The following TMOD2 variants were observed in gnomAD, a reference collection of about 807,000 sequenced individuals.
TMOD2 encodes the protein tropomodulin 2.
A neutral mutation model predicts 39.9 loss-of-function variants in TMOD2; 22 were observed. The observed-to-expected ratio is 0.55, with a 90% CI of 0.39 to 0.79. TMOD2 has a LOEUF of 0.79. TMOD2 is among the 30% of genes least tolerant of loss of function. TMOD2 has a pLI of 0.00. For synonymous variants in TMOD2, 123 were observed against 146.1 expected, an observed-to-expected ratio of 0.84 and a Z score of 1.14; for missense variants, 386 against 413.3, an observed-to-expected ratio of 0.93 and a Z score of 0.57.
At position 51,773,781 on chromosome 15, in the gene TMOD2, A is replaced by G; in HGVS notation, c.353A>G (p.Glu118Gly). 1 of 1,613,744 alleles carries G rather than the reference A, an allele frequency of 6.2e-7. No homozygotes were observed. Among genetic ancestry groups the G allele is most frequent in the South Asian group, 1.1e-5 (1 of 91,042 alleles). ...GAAGAAAAAGTGACCCTTGACCCAG[A>G]ACTGGAAGAAGCTTTGGCCAGTGCC... ...RKEEKVTLDP[E>G]LEEALASASD... Residue 118 changes from glutamate to glycine, a missense_variant, in exon 4 of 10, where the codon GAA becomes GGA. Physicochemically the swap from Glu to Gly is moderately conservative, Grantham distance 98. Coordinates refer to ENST00000249700, the MANE Select transcript of TMOD2 (RefSeq NM_014548.4).
At chr15:51,799,060 G>A (rs183671947) in intron 8 of TMOD2, among the ~76,000 whole-genome samples, 3 of 152,244 alleles carry the variant, frequency 2.0e-5, no homozygotes, top group Non-Finnish European at 2.9e-5. Flanking sequence ...AGTGCCTTCC[G>A]AGTTGCTCTG....
chr15:51,764,069 A>G (rs1001354345), intron 1 of TMOD2, among the ~76,000 whole-genome samples: 2 of 138,310 alleles, frequency 1.4e-5, no homozygotes, highest in Admixed American at 7.6e-5. Flanking sequence ...TTACTAGAAT[A>G]TAGTCATTAA....
intron 5 of TMOD2, among the ~76,000 whole-genome samples, chr15:51,777,458 A>G (rs1348364199): frequency 1.3e-5 from 2 of 152,170 alleles, no homozygotes; most frequent in Non-Finnish European, 1.5e-5. Flanking sequence ...GATGCTTGTC[A>G]TTAGAATTTG....
intron 1 of TMOD2, among the ~76,000 whole-genome samples, chr15:51,762,300 TA>T (rs375164029): frequency 2.1e-5 from 3 of 145,930 alleles, no homozygotes; most frequent in African/African-American, 2.5e-5. Flanking sequence ...CTTCAAAAAA[TA>T]AAAAAAAAAT....
At position 51,778,174 on chromosome 15, in the gene TMOD2, A is replaced by C. The variant is rs543643625; in HGVS notation, c.493+1156A>C. Reference sequence around the variant, plus strand: ...ATGCAGCCATAAAAAATGATGAGTTAATGTCCTTTGTAGGGACATGGATGA... The same window carrying C: ...ATGCAGCCATAAAAAATGATGAGTTCATGTCCTTTGTAGGGACATGGATGA... On this transcript the variant is annotated intron_variant, in intron 5 of 9. Coordinates refer to ENST00000249700, the MANE Select transcript of TMOD2 (RefSeq NM_014548.4). 9.2e-3 allele frequency among the ~76,000 whole-genome samples: 1,397 copies of C among 151,976 alleles called. 15 individuals are homozygous for C. Among genetic ancestry groups the C allele is most frequent in the African/African-American group, 0.018 (763 of 41,430 alleles).
chr15:51,757,686 G>A (rs1457271464), intron 1 of TMOD2, among the ~76,000 whole-genome samples: 2 of 152,210 alleles, frequency 1.3e-5, no homozygotes, highest in Non-Finnish European at 2.9e-5. Context: ...CTGTAGCAGT[G>A]CTTGCTAACT....
chr15:51,752,733 C>G (rs1312444373), intron 1 of TMOD2: 1 of 152,184 alleles, frequency 6.6e-6, no homozygotes, highest in South Asian at 2.1e-4. Context: ...TTTAACAGCA[C>G]TACAAAAAGC....
rs147446045 is a variant in TMOD2, at chr15:51,781,140, C to G, written c.590C>G (p.Pro197Arg). ...ISLQQMKAND[P>R]SLQEVNLNNI... ...CTGCAGCAGATGAAAGCCAATGATC[C>G]TAGCTTGCAAGAAGTCAACCTCAAC... Residue 197 changes from proline to arginine, a missense_variant, in exon 6 of 10, where the codon CCT (proline) becomes CGT (arginine). Pro to Arg is a moderately radical substitution (Grantham distance 103). Coordinates refer to ENST00000249700, the MANE Select transcript of TMOD2 (RefSeq NM_014548.4). The G allele has an allele frequency of 1.2e-6, 2 of 1,610,976 alleles. No homozygotes were observed. The highest frequency in any genetic ancestry group is 2.7e-5 in the African/African-American group (2 of 74,730).
chr15:51,785,278 G>T (rs983554961), intron 7 of TMOD2, among the ~76,000 whole-genome samples: 3 of 151,994 alleles, frequency 2.0e-5, no homozygotes, highest in Non-Finnish European at 2.9e-5. Context: ...CGGGCGCGGT[G>T]GCGGGCGCCT....
At chr15:51,769,111 GA>G (rs1484220122) in intron 3 of TMOD2, among the ~76,000 whole-genome samples, 4 of 152,160 alleles carry the variant, frequency 2.6e-5, no homozygotes, top group African/African-American at 9.7e-5. Flanking sequence ...TACATTGAAA[GA>G]AAAAAGAAAC....
Position 51,768,313 on chromosome 15 carries a change from G to A in TMOD2, c.178G>A (p.Ala60Thr). 6.2e-7 allele frequency: 1 copy of A among 1,614,186 alleles called. No homozygotes were observed. Among genetic ancestry groups the A allele is most frequent in the Non-Finnish European group, 8.5e-7 (1 of 1,180,026 alleles). The change falls in exon 3 of 10, where the codon GCC (alanine) becomes ACC (threonine). Residue 60 changes from alanine to threonine, a missense_variant. Transcript: ENST00000249700. ...ACAGAAAGACCAGACACAGAAGGCA[G>A]CCACCGGCCCCTTTGACCGCGAGCA... ...FRQKDQTQKA[A>T]TGPFDREHLL...
intron 7 of TMOD2, among the ~76,000 whole-genome samples, chr15:51,790,435 G>C (rs989442478): frequency 1.3e-4 from 20 of 152,114 alleles, no homozygotes; most frequent in African/African-American, 4.8e-4. Flanking sequence ...GTACAAAAAG[G>C]AGCTGGTATC....
At chr15:51,763,091 T>C (rs1460193791) in intron 1 of TMOD2, among the ~76,000 whole-genome samples, 1 of 138,194 alleles carries the variant, frequency 7.2e-6, no homozygotes, top group African/African-American at 2.8e-5. Context: ...TGTGCCACCA[T>C]GCCCAGCTAA....
At position 51,773,779 on chromosome 15, in the gene TMOD2, A is replaced by T. The variant is rs538175265; in HGVS notation, c.351A>T (p.Pro117=). The change falls in exon 4 of 10, where the codon CCA becomes CCT. Residue 117 remains proline (P), a synonymous_variant. Transcript: ENST00000249700. ...AAGAAGAAAAAGTGACCCTTGACCC[A>T]GAACTGGAAGAAGCTTTGGCCAGTG... ...TRKEEKVTLD[P]ELEEALASAS... 2.5e-6 allele frequency: 4 copies of T among 1,613,660 alleles called. No individual in the cohort carries two copies. The highest frequency in any genetic ancestry group is 3.4e-6 in the Non-Finnish European group (4 of 1,179,858).
intron 8 of TMOD2, among the ~76,000 whole-genome samples, chr15:51,803,947 G>C (rs540158851): frequency 3.3e-5 from 5 of 152,338 alleles, no homozygotes; most frequent in African/African-American, 1.2e-4. Context: ...TATAGACAAA[G>C]ATTAAAAAGG....
chr15:51,761,075 C>G (rs2055777485), intron 1 of TMOD2, among the ~76,000 whole-genome samples: 1 of 152,026 alleles, frequency 6.6e-6, no homozygotes, highest in African/African-American at 2.4e-5. Flanking sequence ...CAAGAGGGAG[C>G]CATTGTAAGT....
intron 1 of TMOD2, among the ~76,000 whole-genome samples, chr15:51,758,252 G>A (rs2055756201): frequency 1.3e-5 from 2 of 152,046 alleles, no homozygotes; most frequent in African/African-American, 4.8e-5. Context: ...GTATGAACAT[G>A]TTATTTTAAT....
In TMOD2 at chr15:51,814,792, G is replaced by A. The variant is rs117258303; in HGVS notation, c.*6338G>A. The A allele has an allele frequency of 3.4e-3, 523 of 152,254 alleles. 11 individuals carry two copies. The highest frequency in any genetic ancestry group is 0.017 in the East Asian group (88 of 5,184). 9.4% of individuals were successfully genotyped at this position (152,254 alleles called of 1,614,324 possible). A position where few individuals can be genotyped will look rare whatever the true frequency, so the allele number is the denominator to read the frequency against. Reference sequence around the variant, plus strand: ...AAGCTTGTGATTCTAAATCGTTTCCGTTGCCTCTGAACATGGGTGAGTAAT... The same window carrying A: ...AAGCTTGTGATTCTAAATCGTTTCCATTGCCTCTGAACATGGGTGAGTAAT... On this transcript the variant is annotated 3_prime_UTR_variant, in exon 10 of 10. Coordinates refer to ENST00000249700, the MANE Select transcript of TMOD2 (RefSeq NM_014548.4).
At chr15:51,794,011 T>C (rs1243358648) in intron 7 of TMOD2, among the ~76,000 whole-genome samples, 5 of 152,222 alleles carry the variant, frequency 3.3e-5, no homozygotes, top group African/African-American at 9.7e-5. Context: ...TTCTTTGCAG[T>C]GCAAGCAACT....
Sources: allele counts gnomAD v4.1 joint callset (sites outside exome capture counted in the v4.1 genomes callset), GRCh38; gene constraint gnomAD v4.1.1; transcripts MANE v1.5; gene names NCBI Gene and HGNC (gene_info 2026-07-23, HGNC 2026-07-21).